UNC13C: variants seen among roughly 807,000 people sequenced by gnomAD.
The protein encoded by UNC13C is unc-13 homolog C.
UNC13C carries 174 observed loss-of-function variants against 245.4 expected under a neutral mutation model. That is an observed-to-expected ratio of 0.71 (90% CI 0.63 to 0.80). The LOEUF (loss-of-function observed/expected upper bound fraction) is 0.80. Among genes scored for constraint, UNC13C ranks in the 30% least tolerant of loss-of-function variants. UNC13C has a pLI of 0.00. For synonymous variants in UNC13C, 992 were observed against 895.1 expected (o/e 1.11, Z -1.93); for missense variants, 2,829 against 2,602.9 (o/e 1.09, Z -1.89).
At chr15:53,958,939 C>T in the UNC13C span, among the ~76,000 whole-genome samples, 1 of 152,128 alleles carries the variant, frequency 6.6e-6, no homozygotes, top group Non-Finnish European at 1.5e-5. Flanking sequence ...AACCTCTCTT[C>T]CTACTTCCAC....
chr15:54,063,677 T>C (rs974656450), intron 2 of UNC13C, among the ~76,000 whole-genome samples: 2 of 152,168 alleles, frequency 1.3e-5, no homozygotes, highest in African/African-American at 4.8e-5. Context: ...GACCAGTAAA[T>C]GCTACAAGAA....
chr15:54,080,139 T>C (rs1197275941), intron 2 of UNC13C, among the ~76,000 whole-genome samples: 2 of 152,012 alleles, frequency 1.3e-5, no homozygotes, highest in African/African-American at 4.8e-5. Flanking sequence ...TTTACATATG[T>C]TGAATCATCC....
intron 17 of UNC13C, among the ~76,000 whole-genome samples, chr15:54,373,192 C>T (rs928127058): frequency 1.3e-5 from 2 of 152,172 alleles, no homozygotes; most frequent in Non-Finnish European, 2.9e-5. Flanking sequence ...AGGGCAATTT[C>T]CAGTGAAGAG....
chr15:54,555,551 C>G (rs772870250), intron 29 of UNC13C, 39 bp downstream of exon 29: 2 of 1,475,338 alleles, frequency 1.4e-6, no homozygotes, highest in Non-Finnish European at 1.9e-6. Flanking sequence ...TCGAGAGAGG[C>G]CCCCATTTAC....
chr15:54,113,169 A>G (rs1295411556), intron 2 of UNC13C, among the ~76,000 whole-genome samples: 2 of 152,106 alleles, frequency 1.3e-5, no homozygotes, highest in African/African-American at 4.8e-5. Flanking sequence ...AGAAGAGATT[A>G]TTGCATGTAA....
chr15:53,969,991 A>G, the UNC13C span, among the ~76,000 whole-genome samples: 1 of 151,434 alleles, frequency 6.6e-6, no homozygotes, highest in East Asian at 1.9e-4. Flanking sequence ...TATGACTGGC[A>G]TATCTCACTT....
intron 30 of UNC13C, among the ~76,000 whole-genome samples, chr15:54,592,869 T>TG (rs1898872601): frequency 6.6e-6 from 1 of 151,846 alleles, no homozygotes; most frequent in Admixed American, 6.6e-5. Context: ...TTTTGTTTTT[T>TG]TTTTTTTTTT....
chr15:53,840,680 G>A, the UNC13C span, among the ~76,000 whole-genome samples: 2 of 152,124 alleles, frequency 1.3e-5, no homozygotes, highest in East Asian at 1.9e-4. Flanking sequence ...TTAGCATCAT[G>A]TGTCCCATTT....
rs1203251562 is a variant in UNC13C at position 54,013,786 on chromosome 15, T to A, written c.883T>A (p.Phe295Ile). The change falls in exon 2 of 33, where the codon TTT becomes ATT. Residue 295 changes from phenylalanine (F) to isoleucine (I), a missense_variant. By Grantham distance (21) the Phe-to-Ile change is conservative. Coordinates refer to ENST00000260323, the MANE Select transcript of UNC13C (RefSeq NM_001080534.3). ...QSEIEQLRTG[F>I]VQSRRETRDI... is the part of the protein sequence containing the mutation. ...TGAAATTGAGCAGTTGCGCACAGGG[T>A]TTGTCCAGTCTCGGAGGGAAACTAG... 6.2e-7 allele frequency: 1 copy of A among 1,611,352 alleles called. No homozygotes were observed. The highest frequency in any genetic ancestry group is 1.3e-5 in the African/African-American group (1 of 74,722).
At chr15:54,195,372 G>T (rs993485547) in intron 4 of UNC13C, among the ~76,000 whole-genome samples, 2 of 152,144 alleles carry the variant, frequency 1.3e-5, no homozygotes, top group African/African-American at 4.8e-5. Context: ...TTGCACTGTA[G>T]CTTTGCTATG....
chr15:54,388,663 C>T (rs1395789571), intron 17 of UNC13C, among the ~76,000 whole-genome samples: 3 of 152,134 alleles, frequency 2.0e-5, no homozygotes, highest in Non-Finnish European at 2.9e-5. Flanking sequence ...CATTCTCTTC[C>T]GTTTCAGCAG....
In UNC13C at chr15:54,455,164, C is replaced by CCTCTCTCTCTCTCTCTCTGTCTCT. The variant is rs1567288652; in HGVS notation, c.4934-39426_4934-39425insGTCTCTCTCTCTCTCTCTCTCTCT. On this transcript the variant is annotated intron_variant, in intron 19 of 32. Transcript: ENST00000260323. ...TTCCTTTCTATGGCTGAGTCATATT[C>CCTCTCTCTCTCTCTCTCTGTCTCT]CTCTCTCTCTCTCTCTCTCTCTCTC... Among the ~76,000 whole-genome samples, 70 of 17,520 alleles carry CCTCTCTCTCTCTCTCTCTGTCTCT rather than the reference C, an allele frequency of 4.0e-3. 9 individuals are homozygous for CCTCTCTCTCTCTCTCTCTGTCTCT. Among genetic ancestry groups the CCTCTCTCTCTCTCTCTCTGTCTCT allele is most frequent in the Admixed American group, 0.018 (20 of 1,118 alleles). 11.5% of individuals were successfully genotyped at this position (17,520 alleles called of 152,430 possible). A position where few individuals can be genotyped will look rare whatever the true frequency, so the allele number is the denominator to read the frequency against.
At chr15:54,373,319 G>T (rs867046070) in intron 17 of UNC13C, among the ~76,000 whole-genome samples, 1 of 152,178 alleles carries the variant, frequency 6.6e-6, no homozygotes, top group African/African-American at 2.4e-5. Context: ...CCTGAGTTTT[G>T]CTCGAGCCCA....
At chr15:54,394,860 T>A (rs1009774945) in intron 18 of UNC13C, among the ~76,000 whole-genome samples, 1 of 151,946 alleles carries the variant, frequency 6.6e-6, no homozygotes, top group Non-Finnish European at 1.5e-5. Context: ...AAGATTTTAG[T>A]TGACTTTATG....
intron 2 of UNC13C, among the ~76,000 whole-genome samples, chr15:54,104,932 C>T (rs949621207): frequency 5.9e-5 from 9 of 152,084 alleles, no homozygotes; most frequent in Admixed American, 3.3e-4. Context: ...TGTGGCAAGG[C>T]TGAATTTGCA....
At chr15:54,016,371 A>G (rs1895659885) in intron 2 of UNC13C, among the ~76,000 whole-genome samples, 1 of 152,230 alleles carries the variant, frequency 6.6e-6, no homozygotes, top group African/African-American at 2.4e-5. Flanking sequence ...TCAACAATTT[A>G]GGGGTTGCCC....
chr15:54,179,749 T>C (rs553936856), intron 4 of UNC13C, among the ~76,000 whole-genome samples: 188 of 151,870 alleles, frequency 1.2e-3, no homozygotes, highest in Middle Eastern at 3.2e-3. Context: ...TAACCAAAAA[T>C]GTTCCAAAAG....
the UNC13C span, among the ~76,000 whole-genome samples, chr15:53,897,122 G>A: frequency 6.6e-6 from 1 of 152,092 alleles, no homozygotes; most frequent in Admixed American, 6.5e-5. Flanking sequence ...GAAACTATAT[G>A]TTTATTTACT....
At chr15:54,153,617 G>C (rs974144137) in intron 4 of UNC13C, among the ~76,000 whole-genome samples, 9 of 151,944 alleles carry the variant, frequency 5.9e-5, no homozygotes, top group Non-Finnish European at 1.2e-4. Context: ...TTCTGGATCT[G>C]TTCTATTAAA....
Sources: allele counts gnomAD v4.1 joint callset (sites outside exome capture counted in the v4.1 genomes callset), GRCh38; gene constraint gnomAD v4.1.1; transcripts MANE v1.5; gene names NCBI Gene and HGNC (gene_info 2026-07-23, HGNC 2026-07-21).